Variants in CACNA2D1 observed in about 807,000 individuals in gnomAD.
CACNA2D1 encodes the protein voltage-dependent calcium channel subunit alpha-2/delta-1.
A neutral mutation model predicts 171.5 loss-of-function variants in CACNA2D1; 53 were observed. The observed-to-expected ratio is 0.31, with a 90% CI of 0.25 to 0.39. CACNA2D1 has a LOEUF of 0.39. Ranked by LOEUF, CACNA2D1 falls within the 10% of genes least tolerant of loss-of-function variation. The probability of loss-of-function intolerance (pLI) is 1.00; values close to 1 mark genes in which losing one functional copy is unlikely to be tolerated. For synonymous variants in CACNA2D1, 442 were observed against 443.1 expected, an observed-to-expected ratio of 1.00 and a Z score of 0.03; for missense variants, 903 against 1,299.8, an observed-to-expected ratio of 0.69 and a Z score of 4.69.
intron 1 of CACNA2D1, among the ~76,000 whole-genome samples, chr7:82,368,045 C>T (rs928806536): frequency 5.3e-5 from 8 of 152,160 alleles, no homozygotes; most frequent in African/African-American, 1.4e-4. Flanking sequence ...CATTAGCAAC[C>T]TCAATGTAAT....
chr7:82,081,644 G>C (rs1001199528), intron 7 of CACNA2D1, among the ~76,000 whole-genome samples: 1 of 152,172 alleles, frequency 6.6e-6, no homozygotes, highest in Non-Finnish European at 1.5e-5. Flanking sequence ...TGCTTCCACA[G>C]CTAATGTTTT....
chr7:82,132,752 G>T lies in CACNA2D1; in HGVS notation c.396+3883C>A, dbSNP rs1205163614. ...AGGAATCAACTTCTGTCTAATTTAG[G>T]CCACTTTTACTTTAGGTATCTCTCT... On this transcript the variant is annotated intron_variant, in intron 5 of 38. Coordinates refer to ENST00000356860, the MANE Select transcript of CACNA2D1 (RefSeq NM_000722.4). 2.0e-5 allele frequency among the ~76,000 whole-genome samples: 3 copies of T among 152,094 alleles called. No individual in the cohort carries two copies. The South Asian group carries it at 6.2e-4, about 32-fold the overall frequency.
At chr7:82,201,418 A>C (rs1266119063) in intron 3 of CACNA2D1, among the ~76,000 whole-genome samples, 1 of 152,206 alleles carries the variant, frequency 6.6e-6, no homozygotes, top group Non-Finnish European at 1.5e-5. Flanking sequence ...AAAATACTTC[A>C]AACAATACAT....
At chr7:82,110,107 G>A (rs1584780764) in intron 6 of CACNA2D1, among the ~76,000 whole-genome samples, 1 of 152,200 alleles carries the variant, frequency 6.6e-6, no homozygotes, top group Non-Finnish European at 1.5e-5. Context: ...TATCAACATA[G>A]TATCCAATGT....
chr7:82,375,872 G>A (rs911953449), intron 1 of CACNA2D1, among the ~76,000 whole-genome samples: 7 of 152,110 alleles, frequency 4.6e-5, no homozygotes, highest in East Asian at 1.9e-4. Flanking sequence ...TGATTGCCTC[G>A]GGCTCTCCTG....
In CACNA2D1 at chr7:82,130,062, C is replaced by T. The variant is rs116178584; in HGVS notation, c.396+6573G>A. On this transcript the variant is annotated intron_variant, in intron 5 of 38. Coordinates refer to ENST00000356860, the MANE Select transcript of CACNA2D1 (RefSeq NM_000722.4). The stretch of plus-strand genomic sequence containing the variant: ...AAGTAATTCTAGAATATAACTATGA[C>T]GTGTTCTTAAACTATACTTCAGAAC... Among the ~76,000 whole-genome samples the T allele has an allele frequency of 8.7e-3, 1,323 of 152,262 alleles. 22 individuals carry two copies. Among genetic ancestry groups the T allele is most frequent in the African/African-American group, 0.03 (1,254 of 41,548 alleles).
rs1309525876 is a variant in CACNA2D1, at chr7:82,293,375, C to G, written c.294+41760G>C. On this transcript the variant is annotated intron_variant, in intron 3 of 38. Transcript: ENST00000356860. ...TCAATCATACATAATCTTTGTTTAT[C>G]CATATTTAAGAGTAAGACTTTGAAA... 2.0e-5 allele frequency among the ~76,000 whole-genome samples: 3 copies of G among 151,952 alleles called. No homozygotes were observed. In the East Asian group the frequency reaches 5.8e-4, roughly 29 times the overall value.
chr7:82,163,334 G>A (rs538620546), intron 4 of CACNA2D1, among the ~76,000 whole-genome samples: 1 of 152,010 alleles, frequency 6.6e-6, no homozygotes, highest in African/African-American at 2.4e-5. Context: ...AAAGTATATA[G>A]CAATAGGTCC....
chr7:82,301,142 G>C (rs776304890), intron 3 of CACNA2D1, among the ~76,000 whole-genome samples: 1 of 152,028 alleles, frequency 6.6e-6, no homozygotes, highest in Non-Finnish European at 1.5e-5. Flanking sequence ...GATGGCGGGG[G>C]AGGGATGGAG....
chr7:82,246,274 T>C (rs1804906985), intron 3 of CACNA2D1, among the ~76,000 whole-genome samples: 1 of 151,474 alleles, frequency 6.6e-6, no homozygotes, highest in African/African-American at 2.4e-5. Flanking sequence ...GAGATACTAA[T>C]ATATACATTT....
At chr7:82,409,183 T>G (rs1827384799) in intron 1 of CACNA2D1, among the ~76,000 whole-genome samples, 1 of 152,196 alleles carries the variant, frequency 6.6e-6, no homozygotes, top group Non-Finnish European at 1.5e-5. Context: ...TTCCAGTGCC[T>G]TCTATATAGT....
At chr7:82,427,073 C>CTGG (rs1223892172) in intron 1 of CACNA2D1, among the ~76,000 whole-genome samples, 2 of 152,158 alleles carry the variant, frequency 1.3e-5, no homozygotes, top group Non-Finnish European at 2.9e-5. Context: ...TACGCAGTTT[C>CTGG]AGGCATCCAC....
intron 7 of CACNA2D1, among the ~76,000 whole-genome samples, chr7:82,069,432 G>A (rs1258055331): frequency 2.0e-5 from 3 of 152,120 alleles, no homozygotes; most frequent in Non-Finnish European, 2.9e-5. Flanking sequence ...TTTTTTGAAT[G>A]TCATCATTAA....
intron 6 of CACNA2D1, among the ~76,000 whole-genome samples, chr7:82,095,617 G>T (rs569613287): frequency 6.6e-6 from 1 of 152,114 alleles, no homozygotes; most frequent in African/African-American, 2.4e-5. Flanking sequence ...TAACAGGCAC[G>T]CCATAAACAG....
At chr7:82,366,902 CCTT>C (rs1471062300) in intron 1 of CACNA2D1, among the ~76,000 whole-genome samples, 18 of 100,234 alleles carry the variant, frequency 1.8e-4, no homozygotes, top group African/African-American at 5.5e-4. Flanking sequence ...CTGGTTTTGA[CCTT>C]TTTTTTTTTT....
intron 4 of CACNA2D1, among the ~76,000 whole-genome samples, chr7:82,138,862 C>A (rs1792025459): frequency 6.6e-6 from 1 of 152,132 alleles, no homozygotes; most frequent in South Asian, 2.1e-4. Flanking sequence ...GCTTGTACCT[C>A]TGCAGTTTAT....
At chr7:82,119,566 A>G (rs905005052) in intron 5 of CACNA2D1, among the ~76,000 whole-genome samples, 1 of 152,212 alleles carries the variant, frequency 6.6e-6, no homozygotes, top group Admixed American at 6.6e-5. Flanking sequence ...TATAAAAAGC[A>G]TTGATTTTTA....
intron 12 of CACNA2D1, among the ~76,000 whole-genome samples, chr7:82,026,484 A>G (rs1332903538): frequency 4.0e-5 from 6 of 151,776 alleles, no homozygotes; most frequent in African/African-American, 1.4e-4. Flanking sequence ...ATTTTACTAA[A>G]TCTATCGAAT....
At chr7:82,089,413 A>C (rs571879606) in intron 6 of CACNA2D1, among the ~76,000 whole-genome samples, 1 of 152,290 alleles carries the variant, frequency 6.6e-6, no homozygotes, top group Admixed American at 6.5e-5. Context: ...GATTTTGTAA[A>C]AATTAAGTCT....
Sources: gnomAD v4.1 joint callset for allele counts (sites outside exome capture counted in the v4.1 genomes callset) on GRCh38, gnomAD v4.1.1 for gene constraint, MANE v1.5 for transcripts, NCBI Gene and HGNC (gene_info 2026-07-23, HGNC 2026-07-21) for gene names.